The following DLG2 variants were observed in gnomAD, a reference collection of about 807,000 sequenced individuals.
DLG2 encodes the protein disks large homolog 2.
A neutral mutation model predicts 132.5 loss-of-function variants in DLG2; 45 were observed. The ratio of observed to expected loss-of-function variants is 0.34; its 90% confidence interval spans 0.27 to 0.44. The LOEUF (loss-of-function observed/expected upper bound fraction) is 0.44, where lower values mean the gene tolerates loss of function less well. DLG2 is among the 20% of genes least tolerant of loss of function. DLG2 has a pLI of 1.00. For missense variants in DLG2, 1,045 were observed against 1,196.9 expected (o/e 0.87, Z 1.87); for synonymous variants, 424 against 419.6 (o/e 1.01, Z -0.13).
intron 6 of DLG2, among the ~76,000 whole-genome samples, chr11:84,747,604 A>G (rs1430667895): frequency 1.3e-5 from 2 of 152,226 alleles, no homozygotes; most frequent in African/African-American, 4.8e-5. Flanking sequence ...ATGACATAAT[A>G]TGAAAATACT....
intron 6 of DLG2, among the ~76,000 whole-genome samples, chr11:85,002,347 C>A (rs2058290105): frequency 6.6e-6 from 1 of 152,030 alleles, no homozygotes; most frequent in South Asian, 2.1e-4. Context: ...ACAACAGTCT[C>A]CTATTTAGAA....
In DLG2 at chr11:84,967,291, T is replaced by C. The variant is rs185576023; in HGVS notation, c.357+144370A>G. ...GGAATTGGAAAGGTCATTTCATAAA[T>C]GAAATATGCTGGTTGCCAGTGAAAA... On this transcript the variant is annotated intron_variant, in intron 6 of 27. Coordinates refer to ENST00000376104, the MANE Select transcript of DLG2 (RefSeq NM_001142699.3). 5.3e-5 allele frequency among the ~76,000 whole-genome samples: 8 copies of C among 152,224 alleles called. No homozygotes were observed. In the East Asian group the frequency reaches 1.5e-3, roughly 29 times the overall value.
intron 7 of DLG2, among the ~76,000 whole-genome samples, chr11:84,321,325 C>T (rs896575784): frequency 2.6e-5 from 4 of 152,182 alleles, no homozygotes; most frequent in Non-Finnish European, 5.9e-5. Context: ...CTAATTCTCT[C>T]TCACACAGCA....
chr11:83,481,971 A>ATGTT (rs1448363509), intron 22 of DLG2, among the ~76,000 whole-genome samples: 1 of 152,106 alleles, frequency 6.6e-6, no homozygotes, highest in Non-Finnish European at 1.5e-5. Flanking sequence ...ATATATTAAG[A>ATGTT]TGTTTCTTTT....
intron 15 of DLG2, among the ~76,000 whole-genome samples, chr11:83,889,056 C>G (rs1341948742): frequency 1.3e-5 from 2 of 152,124 alleles, no homozygotes; most frequent in African/African-American, 4.8e-5. Context: ...GCAAGGACTT[C>G]ATGTCTAAAA....
At chr11:84,364,829 A>G (rs2098672107) in intron 7 of DLG2, among the ~76,000 whole-genome samples, 1 of 152,152 alleles carries the variant, frequency 6.6e-6, no homozygotes, top group African/African-American at 2.4e-5. Flanking sequence ...ATTTGTGTAT[A>G]TTGAAGGAGC....
intron 3 of DLG2, among the ~76,000 whole-genome samples, chr11:85,383,484 T>C (rs2086071581): frequency 6.6e-6 from 1 of 152,140 alleles, no homozygotes; most frequent in Non-Finnish European, 1.5e-5. Context: ...TCAATAAAGC[T>C]ACTAGTAAGA....
intron 6 of DLG2, among the ~76,000 whole-genome samples, chr11:85,096,466 C>T (rs1190640326): frequency 6.6e-6 from 1 of 151,686 alleles, no homozygotes; most frequent in Non-Finnish European, 1.5e-5. Flanking sequence ...CGGCTTCATT[C>T]CTGAAGTCAC....
At chr11:83,680,873 T>C (rs962739712) in intron 18 of DLG2, among the ~76,000 whole-genome samples, 2 of 134,186 alleles carry the variant, frequency 1.5e-5, no homozygotes, top group Non-Finnish European at 3.3e-5. Flanking sequence ...GTAAGCTAAG[T>C]CTTTGGTGAA....
At chr11:84,467,561 A>C (rs2099097709) in intron 7 of DLG2, among the ~76,000 whole-genome samples, 1 of 151,382 alleles carries the variant, frequency 6.6e-6, no homozygotes, top group Non-Finnish European at 1.5e-5. Flanking sequence ...GTTGGGAGAA[A>C]AGGCCAGTGG....
intron 7 of DLG2, among the ~76,000 whole-genome samples, chr11:84,271,413 G>GTA (rs370315391): frequency 9.2e-4 from 140 of 152,230 alleles, no homozygotes; most frequent in African/African-American, 3.3e-3. Context: ...GGACACATAG[G>GTA]GGTCTATTCC....
intron 15 of DLG2, among the ~76,000 whole-genome samples, chr11:83,917,738 A>G (rs1012050411): frequency 6.6e-6 from 1 of 152,222 alleles, no homozygotes; most frequent in African/African-American, 2.4e-5. Context: ...AGTCGTAGGT[A>G]AATACCCACC....
chr11:84,401,924 C>G (rs2098831055), intron 7 of DLG2, among the ~76,000 whole-genome samples: 1 of 152,284 alleles, frequency 6.6e-6, no homozygotes, highest in Non-Finnish European at 1.5e-5. Flanking sequence ...ATGTTTGAAG[C>G]AGATGAACTT....
intron 3 of DLG2, among the ~76,000 whole-genome samples, chr11:85,330,888 T>C (rs1352890677): frequency 6.6e-6 from 1 of 152,012 alleles, no homozygotes; most frequent in Non-Finnish European, 1.5e-5. Context: ...AAACCCTTAC[T>C]TCCACCTGGT....
intron 3 of DLG2, among the ~76,000 whole-genome samples, chr11:85,432,964 G>T (rs186927281): frequency 2.0e-4 from 30 of 152,272 alleles, no homozygotes; most frequent in African/African-American, 6.5e-4. Context: ...ACTAACAGAA[G>T]ATTTCTCAGC....
At chr11:85,141,534 T>C (rs1031998749) in intron 5 of DLG2, among the ~76,000 whole-genome samples, 6 of 151,780 alleles carry the variant, frequency 4.0e-5, no homozygotes, top group African/African-American at 1.4e-4. Context: ...TTATTTCCTT[T>C]GCTATGGAGA....
In DLG2 at chr11:83,739,871, TA is replaced by T. The variant is rs559695355; in HGVS notation, c.1825+46818del. Among the ~76,000 whole-genome samples the T allele has an allele frequency of 6.6e-5, 10 of 152,030 alleles. No homozygotes were observed. The East Asian group carries it at 1.7e-3, about 27-fold the overall frequency. On this transcript the variant is annotated intron_variant, in intron 18 of 27. Coordinates refer to ENST00000376104, the MANE Select transcript of DLG2 (RefSeq NM_001142699.3). ...GAGAGGAGCTGGTGAACATGAGAGG[TA>T]TGTAGGAAGTAGGCTTGACGACACT...
intron 7 of DLG2, among the ~76,000 whole-genome samples, chr11:84,340,736 A>G (rs1214978545): frequency 6.6e-6 from 1 of 152,190 alleles, no homozygotes; most frequent in Non-Finnish European, 1.5e-5. Context: ...ATGCTTGGCC[A>G]TGACATAACT....
chr11:84,520,131 C>T (rs2099291211), intron 7 of DLG2, among the ~76,000 whole-genome samples: 1 of 152,146 alleles, frequency 6.6e-6, no homozygotes, highest in Admixed American at 6.5e-5. Flanking sequence ...GTCATTCTCT[C>T]TTTGGACCAA....
Sources: gnomAD v4.1 joint callset for allele counts (sites outside exome capture counted in the v4.1 genomes callset) on GRCh38, gnomAD v4.1.1 for gene constraint, MANE v1.5 for transcripts, NCBI Gene and HGNC (gene_info 2026-07-23, HGNC 2026-07-21) for gene names.